CTSA: variants seen among roughly 807,000 people sequenced by gnomAD.
CTSA encodes cathepsin A.
CTSA carries 42 observed loss-of-function variants against 66.7 expected under a neutral mutation model. The ratio of observed to expected loss-of-function variants is 0.63; its 90% CI spans 0.49 to 0.81. The LOEUF (loss-of-function observed/expected upper bound fraction) is 0.81. Among genes scored for constraint, CTSA ranks in the 40% least tolerant of loss-of-function variants. CTSA has a pLI of 0.00. For missense variants in CTSA, 525 were observed against 610.9 expected, an observed-to-expected ratio of 0.86 and a Z score of 1.48; for synonymous variants, 225 against 248.6, an observed-to-expected ratio of 0.91 and a Z score of 0.89.
At chr20:45,897,219 G>T in intron 12 of CTSA, 179 bp downstream of exon 12, 1 of 669,864 alleles carries the variant, frequency 1.5e-6, no homozygotes. Flanking sequence ...CCCCACCCAT[G>T]CTGTCCTGCT....
chr20:45,895,307 T>C (rs1430390961), intron 11 of CTSA, 174 bp downstream of exon 11: 1 of 751,292 alleles, frequency 1.3e-6, no homozygotes. Context: ...ATTCATTCTT[T>C]TATCTTTTTT....
intron 7 of CTSA, chr20:45,893,546 G>A (rs1404370722): frequency 3.7e-6 from 2 of 543,250 alleles, no homozygotes; most frequent in Admixed American, 3.1e-5. Context: ...GCAGTGGCAC[G>A]ATCTTAGCTC....
At chr20:45,895,392 C>T (rs1987198571) in intron 11 of CTSA, 5 of 483,984 alleles carry the variant, frequency 1.0e-5, no homozygotes, top group South Asian at 8.8e-5. Context: ...GTGATCATAG[C>T]TCACTGCAGC....
In CTSA at chr20:45,892,136, A is replaced by G. The variant is rs532202393; in HGVS notation, c.306+109A>G. On this transcript the variant is annotated intron_variant, in intron 3 of 14. Coordinates refer to ENST00000646241, the MANE Select transcript of CTSA (RefSeq NM_000308.4). The stretch of plus-strand genomic sequence containing the variant: ...AGTTTCCTTCCTTCTAAGCCTCGGG[A>G]TTTTCCTCTATGCCATTGGCTTTGC... The G allele has an allele frequency of 1.2e-5, 17 of 1,423,076 alleles. No individual in the cohort carries two copies. In the East Asian group the frequency reaches 2.0e-4, roughly 17 times the overall value. The allele number at this position is 1,423,076 out of a possible 1,614,324, so 88.2% of individuals were successfully genotyped here.
rs1435245430 is a variant in CTSA, at chr20:45,893,320, T to C, written c.692+9T>C. The C allele has an allele frequency of 2.5e-6, 4 of 1,607,386 alleles. No homozygotes were observed. In the East Asian group the frequency reaches 6.7e-5, roughly 27 times the overall value. Reference sequence around the variant, plus strand: ...GGCCTTCTGGGGAACAGGTATGGGATAGGGCAGTTGGGCAATCTCTGGGGT... The same window carrying C: ...GGCCTTCTGGGGAACAGGTATGGGACAGGGCAGTTGGGCAATCTCTGGGGT... On this transcript the variant is annotated intron_variant, in intron 7 of 14. Transcript: ENST00000646241.
chr20:45,894,830 A>G lies in CTSA; in HGVS notation c.877A>G (p.Lys293Glu), dbSNP rs779873368. 14 of 1,614,132 alleles carry G rather than the reference A, an allele frequency of 8.7e-6. No homozygotes were observed. Among genetic ancestry groups the G allele is most frequent in the Non-Finnish European group, 1.2e-5 (14 of 1,180,012 alleles). ...CCCCACCTCACATTGCAGGTATGAG[A>G]AGGACACTGTTGTGGTCCAGGATTT... ...GGVPSHFRYE[K>E]DTVVVQDLGN... is the part of the protein sequence containing the mutation. Residue 293 changes from lysine (K) to glutamate (E), a missense_variant, in exon 10 of 15, where the codon AAG (lysine) becomes GAG (glutamate). Lys to Glu is a moderately conservative substitution (Grantham distance 56). This residue lies in a region of CTSA where 274 missense variants were observed against 321.1 expected (regional missense o/e 0.85). Coordinates refer to ENST00000646241, the MANE Select transcript of CTSA (RefSeq NM_000308.4).
Position 45,898,178 on chromosome 20 carries a change from C to G in CTSA, c.1359+69C>G. ...GGAGCAGGACCCACCCGTCCTTTCC[C>G]TCTGGCTGCCTTTTAGGCTGGGTCA... On this transcript the variant is annotated intron_variant, in intron 14 of 14. Transcript: ENST00000646241. This position sits in a 1 kb window ranked among gnomAD's most constrained non-coding sequence, Gnocchi z 4.6. 1 of 1,530,744 alleles carries G rather than the reference C, an allele frequency of 6.5e-7. No homozygotes were observed. The highest frequency in any genetic ancestry group is 1.4e-5 in the African/African-American group (1 of 73,310). The allele number at this position is 1,530,744 out of a possible 1,614,324, so 94.8% of individuals were successfully genotyped here.
At position 45,894,827 on chromosome 20, in the gene CTSA, G is replaced by A; in HGVS notation, c.874G>A (p.Glu292Lys). The A allele has an allele frequency of 6.2e-7, 1 of 1,614,116 alleles. No homozygotes were observed. Among genetic ancestry groups the A allele is most frequent in the Non-Finnish European group, 8.5e-7 (1 of 1,180,034 alleles). The change falls in exon 10 of 15, where the codon GAG becomes AAG. Residue 292 changes from glutamate (E) to lysine (K), a missense_variant. Physicochemically the swap from Glu to Lys is moderately conservative, Grantham distance 56. Coordinates refer to ENST00000646241, the MANE Select transcript of CTSA (RefSeq NM_000308.4). Reference protein sequence around the residue: ...AGGVPSHFRYEKDTVVVQDLG... With the variant: ...AGGVPSHFRYKKDTVVVQDLG... ...TTCCCCCACCTCACATTGCAGGTAT[G>A]AGAAGGACACTGTTGTGGTCCAGGA... is the stretch of plus-strand genomic sequence containing the variant.
rs560285370 is a variant in CTSA at position 45,893,974 on chromosome 20, CTCA to C, written c.693-11_693-9del. The C allele has an allele frequency of 1.0e-4, 164 of 1,570,266 alleles. No homozygotes were observed. In the African/African-American group the frequency reaches 2.1e-3, roughly 20 times the overall value. On this transcript the variant is annotated splice_polypyrimidine_tract_variant and intron_variant, in intron 7 of 14. Coordinates refer to ENST00000646241, the MANE Select transcript of CTSA (RefSeq NM_000308.4). The stretch of plus-strand genomic sequence containing the variant: ...ACCAGCAGCTGATGCGCTTTTCACT[CTCA>C]TCTCCTACAGGCTTTGGTCTTCTCT...
chr20:45,893,350 C>A, intron 7 of CTSA, 39 bp downstream of exon 7: 2 of 1,480,980 alleles, frequency 1.4e-6, no homozygotes, highest in South Asian at 1.1e-5. Flanking sequence ...TGGGGTGAGG[C>A]AGGTCACATG....
In CTSA at chr20:45,898,575, G is replaced by A; in HGVS notation, c.*125G>A. The stretch of plus-strand genomic sequence containing the variant: ...TGCCGCCAGGACTGCCCCCTTCCCA[G>A]AGCCCTGTACATCCCAGACTGGGCC... On this transcript the variant is annotated 3_prime_UTR_variant, in exon 15 of 15. Coordinates refer to ENST00000646241, the MANE Select transcript of CTSA (RefSeq NM_000308.4). The surrounding 1 kb of genome is among the most constrained non-coding windows in gnomAD (Gnocchi z 4.6). 1 of 957,378 alleles carries A rather than the reference G, an allele frequency of 1.0e-6. No homozygotes were observed. Among genetic ancestry groups the A allele is most frequent in the African/African-American group, 1.6e-5 (1 of 61,988 alleles). The allele number at this position is 957,378 out of a possible 1,614,324, so 59.3% of individuals were successfully genotyped here.
chr20:45,896,761 T>G (rs2083111525), intron 11 of CTSA: 1 of 613,470 alleles, frequency 1.6e-6, no homozygotes, highest in Non-Finnish European at 3.0e-6. Flanking sequence ...TAAATGGTGG[T>G]GAGTTGAGGC....
chr20:45,897,825 G>T lies in CTSA; in HGVS notation c.1254+19G>T. Reference sequence around the variant, plus strand: ...CCAGAAGGTAAGGTAGAGATTCCTGGCCCTGGGATAGGGGCTGCTGTGGAG... The same window carrying T: ...CCAGAAGGTAAGGTAGAGATTCCTGTCCCTGGGATAGGGGCTGCTGTGGAG... On this transcript the variant is annotated intron_variant, in intron 13 of 14. Transcript: ENST00000646241. 6.3e-7 allele frequency: 1 copy of T among 1,579,008 alleles called. No individual in the cohort carries two copies. The highest frequency in any genetic ancestry group is 2.2e-5 in the East Asian group (1 of 44,644).
At chr20:45,892,085 G>A in intron 3 of CTSA, 58 bp downstream of exon 3, 2 of 1,537,688 alleles carry the variant, frequency 1.3e-6, no homozygotes, top group Non-Finnish European at 1.8e-6. Context: ...GGGAAAGCGA[G>A]AGAGGGGCTT....
At chr20:45,893,870 T>C in intron 7 of CTSA, 118 bp from the exon 8 acceptor site, 1 of 763,802 alleles carries the variant, frequency 1.3e-6, no homozygotes, top group African/African-American at 1.7e-5. Flanking sequence ...CACCCTGTGA[T>C]ATCTTTCCCA....
At position 45,891,636 on chromosome 20, in the gene CTSA, C is replaced by T; in HGVS notation, c.68C>T (p.Ala23Val). Reference protein sequence around the residue: ...LLLLLLLVSWASRGEAAPDQD... With the variant: ...LLLLLLLVSWVSRGEAAPDQD... ...CTGCTGCTGCTGCTAGTGTCCTGGG[C>T]GTCCCGAGGCGAGGCAGCCCCCGAC... is the stretch of plus-strand genomic sequence containing the variant. The change falls in exon 2 of 15, where the codon GCG becomes GTG. Residue 23 changes from alanine to valine, a missense_variant. Around this residue, in one of 3 missense-constraint regions of CTSA, gnomAD observed 246 missense variants for 267.4 expected, o/e 0.92. Transcript: ENST00000646241. This position sits in a 1 kb window ranked among gnomAD's most constrained non-coding sequence, Gnocchi z 4.6. 1.2e-6 allele frequency: 2 copies of T among 1,611,732 alleles called. No homozygotes were observed. Among genetic ancestry groups the T allele is most frequent in the Non-Finnish European group, 8.5e-7 (1 of 1,179,774 alleles).
At position 45,898,553 on chromosome 20, in the gene CTSA, C is replaced by A; in HGVS notation, c.*103C>A. The A allele has an allele frequency of 8.8e-7, 1 of 1,134,352 alleles. No individual in the cohort carries two copies. The highest frequency in any genetic ancestry group is 1.3e-6 in the Non-Finnish European group (1 of 774,846). 70.3% of individuals were successfully genotyped at this position (1,134,352 alleles called of 1,614,324 possible). On this transcript the variant is annotated 3_prime_UTR_variant, in exon 15 of 15. Transcript: ENST00000646241. The surrounding 1 kb of genome is among the most constrained non-coding windows in gnomAD (Gnocchi z 4.6). ...AGTGCCCCTGCAGGCCGGGTTCTGCCGCCAGGACTGCCCCCTTCCCAGAGC... is the reference window on the plus strand; with the variant it reads ...AGTGCCCCTGCAGGCCGGGTTCTGCAGCCAGGACTGCCCCCTTCCCAGAGC...
chr20:45,891,527 C>G lies in CTSA; in HGVS notation c.1-42C>G. On this transcript the variant is annotated intron_variant, in intron 1 of 14. Transcript: ENST00000646241. The surrounding 1 kb of genome is among the most constrained non-coding windows in gnomAD (Gnocchi z 4.6). Reference sequence around the variant, plus strand: ...CTCCCCGGGGGCTGCTGCACGGAAGCGCTGAGGAGCGAGTCAACAGCCCCT... The same window carrying G: ...CTCCCCGGGGGCTGCTGCACGGAAGGGCTGAGGAGCGAGTCAACAGCCCCT... The G allele has an allele frequency of 1.3e-6, 2 of 1,570,992 alleles. No individual in the cohort carries two copies. The highest frequency in any genetic ancestry group is 2.4e-5 in the East Asian group (1 of 42,182).
intron 12 of CTSA, chr20:45,897,300 T>C (rs1029882176): frequency 1.8e-6 from 1 of 554,120 alleles, no homozygotes; most frequent in Non-Finnish European, 3.2e-6. Flanking sequence ...ATGCCAAAAA[T>C]GGGCCAGCAG....
Sources: gnomAD v4.1 joint callset for allele counts on GRCh38, gnomAD v4.1.1 for gene constraint, gnomAD v4.1.1 regional missense constraint, Gnocchi (gnomAD v3.1) non-coding constraint, MANE v1.5 for transcripts, NCBI Gene and HGNC (gene_info 2026-07-23, HGNC 2026-07-21) for gene names.